The following PPFIBP1 variants were observed in gnomAD, a reference collection of about 807,000 sequenced individuals.
The protein encoded by PPFIBP1 is liprin-beta-1.
A neutral mutation model predicts 137.8 loss-of-function variants in PPFIBP1; 112 were observed. That is an observed-to-expected ratio of 0.81 (90% CI 0.70 to 0.95). The LOEUF (loss-of-function observed/expected upper bound fraction) is 0.95. PPFIBP1 is among the 40% of genes least tolerant of loss of function. The pLI is 0.00. For synonymous variants in PPFIBP1, 378 were observed against 417.3 expected, an observed-to-expected ratio of 0.91 and a Z score of 1.15; for missense variants, 1,083 against 1,196.6, an observed-to-expected ratio of 0.91 and a Z score of 1.40.
intron 7 of PPFIBP1, among the ~76,000 whole-genome samples, chr12:27,652,084 A>G (rs1294193429): frequency 6.6e-6 from 1 of 152,220 alleles, no homozygotes; most frequent in Non-Finnish European, 1.5e-5. Context: ...ATAATCTTCA[A>G]CATTAAACTA....
At chr12:27,558,908 G>T (rs1476658594) in intron 1 of PPFIBP1, among the ~76,000 whole-genome samples, 1 of 151,998 alleles carries the variant, frequency 6.6e-6, no homozygotes, top group African/African-American at 2.4e-5. Context: ...TATTACCCAG[G>T]CTGGAGTGCA....
chr12:27,661,559 A>G (rs2059553177), intron 11 of PPFIBP1, among the ~76,000 whole-genome samples: 1 of 152,200 alleles, frequency 6.6e-6, no homozygotes, highest in Non-Finnish European at 1.5e-5. Context: ...CACGAAAGTA[A>G]TGGGTTTCTT....
chr12:27,681,182 A>G (rs1354703528), intron 21 of PPFIBP1, among the ~76,000 whole-genome samples: 1 of 152,238 alleles, frequency 6.6e-6, no homozygotes, highest in African/African-American at 2.4e-5. Context: ...GTTAGTTCAA[A>G]TTAGACTTAA....
At chr12:27,551,307 G>A (rs1247357068) in intron 1 of PPFIBP1, among the ~76,000 whole-genome samples, 1 of 152,160 alleles carries the variant, frequency 6.6e-6, no homozygotes, top group African/African-American at 2.4e-5. Flanking sequence ...AGAAGGCAGT[G>A]TCCATCTCTC....
Position 27,691,866 on chromosome 12 carries a change from G to A in PPFIBP1, c.2803G>A (p.Gly935Arg). The change falls in exon 28 of 30, where the codon GGA becomes AGA. Residue 935 changes from glycine to arginine, a missense_variant. Gly to Arg is a moderately radical substitution (Grantham distance 125). Transcript: ENST00000228425. ...GGCATCAGGAAGTGCATCTAAGAAA[G>A]GATTTAAACCTGGTTTGGATATGCG... The part of the protein sequence containing the change: ...GQASGSASKK[G>R]FKPGLDMRLY... 1.2e-6 allele frequency: 2 copies of A among 1,614,066 alleles called. No homozygotes were observed. The highest frequency in any genetic ancestry group is 1.7e-6 in the Non-Finnish European group (2 of 1,179,966).
chr12:27,663,970 G>A lies in PPFIBP1; in HGVS notation c.907-392G>A, dbSNP rs188307040. Among the ~76,000 whole-genome samples the A allele has an allele frequency of 7.2e-5, 11 of 152,312 alleles. No individual in the cohort carries two copies. The East Asian group carries it at 2.1e-3, about 29-fold the overall frequency. Reference sequence around the variant, plus strand: ...ATGATGGCTAATAAAGACAGAAGATGGGGGTCTTTCTTTTAAGGTTTGACT... The same window carrying A: ...ATGATGGCTAATAAAGACAGAAGATAGGGGTCTTTCTTTTAAGGTTTGACT... On this transcript the variant is annotated intron_variant, in intron 11 of 29. Coordinates refer to ENST00000228425, the MANE Select transcript of PPFIBP1 (RefSeq NM_003622.4).
intron 2 of PPFIBP1, among the ~76,000 whole-genome samples, chr12:27,606,822 TAA>T (rs1354119461): frequency 6.6e-6 from 1 of 152,198 alleles, no homozygotes; most frequent in Admixed American, 6.5e-5. Context: ...AGGCACAAGG[TAA>T]ACCCTTATCA....
At chr12:27,684,009 G>A (rs957208277) in intron 24 of PPFIBP1, among the ~76,000 whole-genome samples, 1 of 151,990 alleles carries the variant, frequency 6.6e-6, no homozygotes, top group Non-Finnish European at 1.5e-5. Flanking sequence ...GGATGGTCTC[G>A]ATCTCCTGAC....
chr12:27,637,719 A>G (rs758421151), intron 4 of PPFIBP1, among the ~76,000 whole-genome samples: 1 of 152,198 alleles, frequency 6.6e-6, no homozygotes, highest in African/African-American at 2.4e-5. Flanking sequence ...TTGGAACCAC[A>G]AAAGCATAGG....
chr12:27,538,713 GC>G (rs1945324114), intron 1 of PPFIBP1, among the ~76,000 whole-genome samples: 1 of 152,194 alleles, frequency 6.6e-6, no homozygotes, highest in Non-Finnish European at 1.5e-5. Flanking sequence ...CCATGGAGAT[GC>G]AAAGATGCCC....
chr12:27,569,416 C>A (rs2049956886), intron 1 of PPFIBP1, among the ~76,000 whole-genome samples: 1 of 152,112 alleles, frequency 6.6e-6, no homozygotes, highest in Non-Finnish European at 1.5e-5. Flanking sequence ...GCTGACTATG[C>A]CTTCTGGTCT....
intron 21 of PPFIBP1, among the ~76,000 whole-genome samples, chr12:27,681,007 A>G (rs1465684607): frequency 6.6e-6 from 1 of 151,974 alleles, no homozygotes; most frequent in Non-Finnish European, 1.5e-5. Flanking sequence ...AAAACCATTC[A>G]TCTTCCCCTC....
intron 2 of PPFIBP1, among the ~76,000 whole-genome samples, chr12:27,623,475 A>G (rs564546574): frequency 6.6e-6 from 1 of 152,256 alleles, no homozygotes; most frequent in Admixed American, 6.5e-5. Flanking sequence ...CAAGGGGGAA[A>G]GGATTGCTTG....
rs927487271 is a variant in PPFIBP1 at position 27,665,136 on chromosome 12, C to T, written c.991+690C>T. Among the ~76,000 whole-genome samples, 16 of 152,178 alleles carry T rather than the reference C, an allele frequency of 1.1e-4. No individual in the cohort carries two copies. In the South Asian group the frequency reaches 1.5e-3, roughly 14 times the overall value. ...CCGGGAAGCGGAGGTTGCAGGGAGC[C>T]GAGATTGCGCCATTGCACTCCAGCC... On this transcript the variant is annotated intron_variant, in intron 12 of 29. Coordinates refer to ENST00000228425, the MANE Select transcript of PPFIBP1 (RefSeq NM_003622.4).
intron 1 of PPFIBP1, among the ~76,000 whole-genome samples, chr12:27,565,826 C>T (rs1565780861): frequency 6.7e-6 from 1 of 150,042 alleles, no homozygotes; most frequent in Non-Finnish European, 1.5e-5. Flanking sequence ...CCCGAATTTT[C>T]CTCTCTGAGC....
intron 15 of PPFIBP1, among the ~76,000 whole-genome samples, chr12:27,672,924 T>G (rs1416878897): frequency 6.6e-6 from 1 of 151,942 alleles, no homozygotes; most frequent in Non-Finnish European, 1.5e-5. Flanking sequence ...AAGTCTGGAT[T>G]AAATTAGGAA....
At chr12:27,642,939 G>A (rs111260171) in intron 4 of PPFIBP1, among the ~76,000 whole-genome samples, 36,433 of 151,602 alleles carry the variant, frequency 0.24, 4,619 homozygotes, top group East Asian at 0.29. Context: ...AGAAATAAGA[G>A]GTAATATATA....
At position 27,650,007 on chromosome 12, in the gene PPFIBP1, TA is replaced by T; in HGVS notation, c.472-2del. ...CTTGAATGTATCTGTTAAATTATAA[TA>T]GGAGCTTCTAAGTAGGACATCCTTA... is the stretch of plus-strand genomic sequence containing the variant. On this transcript the variant is annotated splice_acceptor_variant, in intron 6 of 29. Coordinates refer to ENST00000228425, the MANE Select transcript of PPFIBP1 (RefSeq NM_003622.4). LOFTEE classifies it high-confidence loss of function. 6.3e-7 allele frequency: 1 copy of T among 1,598,082 alleles called. No individual in the cohort carries two copies. Among genetic ancestry groups the T allele is most frequent in the Non-Finnish European group, 8.6e-7 (1 of 1,168,668 alleles).
At chr12:27,578,959 C>G (rs1208316890) in intron 2 of PPFIBP1, among the ~76,000 whole-genome samples, 1 of 152,196 alleles carries the variant, frequency 6.6e-6, no homozygotes, top group Non-Finnish European at 1.5e-5. Flanking sequence ...AACTGTCTGA[C>G]TTTCTCTGAT....
Sources: gnomAD v4.1 joint callset for allele counts (sites outside exome capture counted in the v4.1 genomes callset) on GRCh38, gnomAD v4.1.1 for gene constraint, MANE v1.5 for transcripts, NCBI Gene and HGNC (gene_info 2026-07-23, HGNC 2026-07-21) for gene names.